Variants in COL5A2 observed in about 807,000 individuals in gnomAD.
The protein encoded by COL5A2 is collagen type V alpha 2 chain, also known as collagen alpha-2(V) chain.
A neutral mutation model predicts 208.2 loss-of-function variants in COL5A2; 23 were observed. That is an observed-to-expected ratio of 0.11 (90% CI 0.08 to 0.16). The LOEUF is 0.16. COL5A2 is among the 10% of genes least tolerant of loss of function. The probability of loss-of-function intolerance (pLI) is 1.00; values close to 1 mark genes in which losing one functional copy is unlikely to be tolerated. For missense variants in COL5A2, 1,590 were observed against 1,956.4 expected (o/e 0.81, Z 3.53); for synonymous variants, 625 against 628.5 (o/e 0.99, Z 0.08).
intron 46 of COL5A2, 42 bp downstream of exon 46, chr2:189,045,758 G>C (rs1183768335): frequency 6.9e-7 from 1 of 1,455,462 alleles, no homozygotes; most frequent in East Asian, 2.3e-5. Flanking sequence ...CATAGCATAT[G>C]GGTGTGCAAA....
intron 48 of COL5A2, 88 bp from the exon 49 acceptor site, chr2:189,042,861 C>A (rs1177275068): frequency 2.4e-5 from 30 of 1,260,348 alleles, no homozygotes; most frequent in Non-Finnish European, 3.2e-5. Flanking sequence ...TTGACTTTAG[C>A]AGCATGAACT....
rs764874823 is a variant in COL5A2 at position 189,052,815 on chromosome 2, A to C, written c.2662-13T>G. 6.2e-6 allele frequency: 10 copies of C among 1,614,146 alleles called. No homozygotes were observed. In the South Asian group the frequency reaches 8.8e-5, roughly 14 times the overall value. The stretch of plus-strand genomic sequence containing the variant: ...CACCATTAGGACCCTGAATAGAAAC[A>C]AACAAAAGAGCACTATAGTGAAGCA... On this transcript the variant is annotated splice_polypyrimidine_tract_variant and intron_variant, in intron 39 of 53. Transcript: ENST00000374866.
At chr2:189,088,937 G>C (rs1436236343) in intron 7 of COL5A2, among the ~76,000 whole-genome samples, 165 bp from the exon 8 acceptor site, 1 of 142,078 alleles carries the variant, frequency 7.0e-6, no homozygotes, top group Non-Finnish European at 1.6e-5. Context: ...AAGTTGCTTT[G>C]ATTGTTTGTG....
At chr2:189,034,413 C>T (rs776527218) in intron 53 of COL5A2, among the ~76,000 whole-genome samples, 197 bp from the exon 54 acceptor site, 3 of 152,094 alleles carry the variant, frequency 2.0e-5, no homozygotes, top group Non-Finnish European at 2.9e-5. Context: ...AAGTAAATTT[C>T]CTTTGTTCTT....
At chr2:189,087,071 A>G (rs1686678811) in intron 8 of COL5A2, among the ~76,000 whole-genome samples, 1 of 152,270 alleles carries the variant, frequency 6.6e-6, no homozygotes, top group Non-Finnish European at 1.5e-5. Context: ...GGTTCTGTTA[A>G]GTAAGAACAT....
At chr2:189,083,688 T>C (rs1041374632) in intron 12 of COL5A2, among the ~76,000 whole-genome samples, 4 of 151,392 alleles carry the variant, frequency 2.6e-5, no homozygotes, top group South Asian at 2.1e-4. Context: ...AAAAAAAAAC[T>C]ATTTTTTTCT....
At chr2:189,402,271 G>T in the COL5A2 span, among the ~76,000 whole-genome samples, 1 of 152,090 alleles carries the variant, frequency 6.6e-6, no homozygotes, top group Non-Finnish European at 1.5e-5. Context: ...AGGCTGGAGT[G>T]CAGTGGTGCG....
chr2:189,435,770 G>A, the COL5A2 span, among the ~76,000 whole-genome samples: 7 of 152,136 alleles, frequency 4.6e-5, no homozygotes, highest in African/African-American at 1.7e-4. Context: ...ACAGTGTGGC[G>A]ATTCCTCAGG....
the COL5A2 span, among the ~76,000 whole-genome samples, chr2:189,351,724 A>G: frequency 6.6e-6 from 1 of 152,178 alleles, no homozygotes; most frequent in Non-Finnish European, 1.5e-5. Context: ...ACACACAGTA[A>G]ATTAATGAAA....
At chr2:189,383,612 T>C in the COL5A2 span, among the ~76,000 whole-genome samples, 1 of 152,158 alleles carries the variant, frequency 6.6e-6, no homozygotes, top group Non-Finnish European at 1.5e-5. Context: ...TAGTGTTTTT[T>C]ATTTTTATTT....
chr2:189,237,547 G>T, the COL5A2 span, among the ~76,000 whole-genome samples: 1 of 151,710 alleles, frequency 6.6e-6, no homozygotes, highest in Non-Finnish European at 1.5e-5. Context: ...CATTGGTCTA[G>T]GGTAATTAAG....
At chr2:189,061,754 T>C in intron 29 of COL5A2, 139 bp from the exon 30 acceptor site, 1 of 686,232 alleles carries the variant, frequency 1.5e-6, no homozygotes, top group Non-Finnish European at 2.6e-6. Flanking sequence ...GGTAATAAAC[T>C]AGTATTAATA....
At chr2:189,096,867 G>A (rs573131264) in intron 6 of COL5A2, among the ~76,000 whole-genome samples, 2 of 152,238 alleles carry the variant, frequency 1.3e-5, no homozygotes, top group East Asian at 3.9e-4. Flanking sequence ...GAAAAAGGCG[G>A]AGTGCTACCT....
chr2:189,396,976 G>A, the COL5A2 span, among the ~76,000 whole-genome samples: 1 of 122,282 alleles, frequency 8.2e-6, no homozygotes, highest in African/African-American at 3.1e-5. Flanking sequence ...GGGCGACAGA[G>A]CAAGACTCCG....
the COL5A2 span, among the ~76,000 whole-genome samples, chr2:189,412,437 T>C: frequency 6.6e-6 from 1 of 152,226 alleles, no homozygotes; most frequent in Non-Finnish European, 1.5e-5. Context: ...ACTAAGTTTA[T>C]TTATTAGACA....
chr2:189,434,477 CAA>C, the COL5A2 span, among the ~76,000 whole-genome samples: 1 of 152,158 alleles, frequency 6.6e-6, no homozygotes, highest in Admixed American at 6.5e-5. Flanking sequence ...GCAACTTCAG[CAA>C]AGTCTCAGGA....
intron 1 of COL5A2, among the ~76,000 whole-genome samples, chr2:189,111,729 C>A (rs1409706367): frequency 1.3e-5 from 2 of 152,024 alleles, no homozygotes; most frequent in Admixed American, 1.3e-4. Flanking sequence ...AACAAATAGG[C>A]AAAAATCACT....
At chr2:189,416,819 C>T in the COL5A2 span, among the ~76,000 whole-genome samples, 10,028 of 152,224 alleles carry the variant, frequency 0.066, 457 homozygotes, top group Middle Eastern at 0.12. Context: ...TTTGAAAACA[C>T]ATTTGTAGCC....
At chr2:189,432,071 C>T in the COL5A2 span, among the ~76,000 whole-genome samples, 1 of 152,174 alleles carries the variant, frequency 6.6e-6, no homozygotes, top group Non-Finnish European at 1.5e-5. Flanking sequence ...GAATTTTCAA[C>T]CTAGAATTTC....
Sources: gnomAD v4.1 joint callset for allele counts (sites outside exome capture counted in the v4.1 genomes callset) on GRCh38, gnomAD v4.1.1 for gene constraint, MANE v1.5 for transcripts, NCBI Gene and HGNC (gene_info 2026-07-23, HGNC 2026-07-21) for gene names.